The following FAM110B variants were observed in gnomAD, a reference collection of about 807,000 sequenced individuals.
FAM110B encodes the protein protein FAM110B.
Under a neutral mutation model 20.4 loss-of-function variants are expected in FAM110B, and 6 were observed. That is an observed-to-expected ratio of 0.29 (90% confidence interval 0.16 to 0.58). The LOEUF is 0.58. Ranked by LOEUF, FAM110B falls within the 20% of genes least tolerant of loss-of-function variation. The pLI, the probability that FAM110B is intolerant of heterozygous loss-of-function variation, is 0.90. For missense variants in FAM110B, 434 were observed against 498.2 expected, an observed-to-expected ratio of 0.87 and a Z score of 1.23; for synonymous variants, 226 against 214.1, an observed-to-expected ratio of 1.06 and a Z score of -0.49.
At chr8:58,101,691 G>C (rs919734249) in intron 3 of FAM110B, among the ~76,000 whole-genome samples, 2 of 151,934 alleles carry the variant, frequency 1.3e-5, no homozygotes, top group Non-Finnish European at 2.9e-5. Flanking sequence ...CATGTTTCAA[G>C]AATTAATTTC....
rs1806679450 is a variant in FAM110B, at chr8:58,098,073, G to A, written c.-325+22450G>A. Among the ~76,000 whole-genome samples the A allele has an allele frequency of 2.0e-5, 3 of 152,228 alleles. No individual in the cohort carries two copies. The South Asian group carries it at 6.2e-4, about 31-fold the overall frequency. Reference sequence around the variant, plus strand: ...TCCCTTAGCAGAGCTCAAGCTCTGTGCGGGGAGATCCACTGCTCTATTCAG... The same window carrying A: ...TCCCTTAGCAGAGCTCAAGCTCTGTACGGGGAGATCCACTGCTCTATTCAG... On this transcript the variant is annotated intron_variant, in intron 3 of 3. Coordinates refer to ENST00000519262, the MANE Select transcript of FAM110B (RefSeq NM_001377989.1).
chr8:57,997,337 A>G (rs1804208102), intron 1 of FAM110B, among the ~76,000 whole-genome samples: 2 of 152,198 alleles, frequency 1.3e-5, no homozygotes, highest in Admixed American at 6.5e-5. Flanking sequence ...TATGTTCAAC[A>G]TTTGTAGACT....
At chr8:58,015,537 A>G (rs1382352013) in intron 1 of FAM110B, among the ~76,000 whole-genome samples, 1 of 152,092 alleles carries the variant, frequency 6.6e-6, no homozygotes, top group Non-Finnish European at 1.5e-5. Context: ...TCAGTTAACT[A>G]AAACGTGTTC....
Position 58,146,739 on chromosome 8 carries a change from GCCGCAGGAGC to G in FAM110B, c.519_528del (p.Ser173ArgfsTer31), listed in dbSNP as rs1161729033. 1.2e-6 allele frequency: 2 copies of G among 1,612,068 alleles called. No homozygotes were observed. The highest frequency in any genetic ancestry group is 2.2e-5 in the East Asian group (1 of 44,806). On this transcript the variant is annotated frameshift_variant, in exon 4 of 4. Coordinates refer to ENST00000519262, the MANE Select transcript of FAM110B (RefSeq NM_001377989.1). LOFTEE classifies it high-confidence loss of function. ...TCCCTGAAGGTCTACCCCACGCAGG[GCCGCAGGAGC>G]CCGCAGGAGGGCGGCTCCCACGTGG...
intron 3 of FAM110B, among the ~76,000 whole-genome samples, chr8:58,117,163 G>A (rs1807234270): frequency 6.6e-6 from 1 of 152,114 alleles, no homozygotes; most frequent in Admixed American, 6.5e-5. Flanking sequence ...AACCAATTAG[G>A]GAATCTCAGT....
intron 1 of FAM110B, among the ~76,000 whole-genome samples, chr8:58,027,762 T>A (rs111702969): frequency 1.4e-4 from 22 of 152,344 alleles, no homozygotes; most frequent in African/African-American, 5.3e-4. Flanking sequence ...TACGTTGTTG[T>A]ATATATCAGT....
In FAM110B at chr8:58,068,499, A is replaced by G. The variant is rs575554217; in HGVS notation, c.-413-7036A>G. 2.6e-5 allele frequency among the ~76,000 whole-genome samples: 4 copies of G among 152,292 alleles called. No homozygotes were observed. The South Asian group carries it at 6.2e-4, about 24-fold the overall frequency. On this transcript the variant is annotated intron_variant, in intron 2 of 3. Transcript: ENST00000519262. ...TGGAGGATGAAATGCCCCTTTGCCA[A>G]TAGTCCTGTTTCTTGGCTACTAATT...
intron 3 of FAM110B, among the ~76,000 whole-genome samples, chr8:58,117,122 G>A (rs1024722539): frequency 2.0e-5 from 3 of 152,082 alleles, no homozygotes; most frequent in East Asian, 1.9e-4. Context: ...TCCCTTAACC[G>A]GTGTGAGGGA....
rs6994685 is a variant in FAM110B at position 58,033,587 on chromosome 8, G to A, written c.-414+1884G>A. ...AACAAGCAAAAAACCAAATAGCCCC[G>A]GTAAAAAGTGGGCAAAAGACATGCA... is the stretch of plus-strand genomic sequence containing the variant. On this transcript the variant is annotated intron_variant, in intron 2 of 3. Transcript: ENST00000519262. 6.3e-3 allele frequency among the ~76,000 whole-genome samples: 953 copies of A among 151,908 alleles called. 12 individuals carry two copies. Among genetic ancestry groups the A allele is most frequent in the African/African-American group, 0.021 (866 of 41,438 alleles).
chr8:58,104,335 G>C (rs1444845771), intron 3 of FAM110B, among the ~76,000 whole-genome samples: 4 of 152,122 alleles, frequency 2.6e-5, no homozygotes, highest in Non-Finnish European at 5.9e-5. Context: ...AAGATCCCAA[G>C]ACAAAGTAGA....
At chr8:58,051,218 A>G (rs1179210163) in intron 2 of FAM110B, among the ~76,000 whole-genome samples, 1 of 152,162 alleles carries the variant, frequency 6.6e-6, no homozygotes, top group Non-Finnish European at 1.5e-5. Flanking sequence ...GACTCTTGTT[A>G]AGGGCTTAAC....
intron 3 of FAM110B, among the ~76,000 whole-genome samples, chr8:58,085,572 C>T (rs1469828404): frequency 6.6e-6 from 1 of 152,114 alleles, no homozygotes; most frequent in Non-Finnish European, 1.5e-5. Flanking sequence ...TGACCATTGG[C>T]CTATGAGCCA....
intron 3 of FAM110B, among the ~76,000 whole-genome samples, chr8:58,111,600 A>G (rs1018050441): frequency 2.6e-5 from 4 of 152,204 alleles, no homozygotes; most frequent in African/African-American, 7.2e-5. Context: ...ATAAATGAAG[A>G]CATGTAAATA....
chr8:58,136,955 C>T (rs1322195724), intron 3 of FAM110B, among the ~76,000 whole-genome samples: 1 of 152,222 alleles, frequency 6.6e-6, no homozygotes, highest in Admixed American at 6.5e-5. Flanking sequence ...TATTTTTCTC[C>T]TACCACCAGA....
intron 3 of FAM110B, among the ~76,000 whole-genome samples, chr8:58,105,556 ATTTTTTTT>A (rs71557704): frequency 0.024 from 2,306 of 94,528 alleles, 25 homozygotes; most frequent in African/African-American, 0.1. Flanking sequence ...GAATGAATGA[ATTTTTTTT>A]TTTTTTTTTT....
At chr8:58,052,180 T>G (rs575174110) in intron 2 of FAM110B, among the ~76,000 whole-genome samples, 1 of 152,346 alleles carries the variant, frequency 6.6e-6, no homozygotes, top group African/African-American at 2.4e-5. Context: ...AAATACTCAA[T>G]GTGGACTTCT....
chr8:58,008,997 C>A (rs1332974945), intron 1 of FAM110B, among the ~76,000 whole-genome samples: 1 of 152,192 alleles, frequency 6.6e-6, no homozygotes, highest in Admixed American at 6.5e-5. Flanking sequence ...TCTTTTCCTT[C>A]CTCTCTGCTC....
rs754729106 is a variant in FAM110B, at chr8:58,146,361, A to G, written c.131A>G (p.Asn44Ser). The G allele has an allele frequency of 6.2e-7, 1 of 1,614,014 alleles. No homozygotes were observed. Among genetic ancestry groups the G allele is most frequent in the Non-Finnish European group, 8.5e-7 (1 of 1,179,992 alleles). The change falls in exon 4 of 4, where the codon AAC (asparagine) becomes AGC (serine). Residue 44 changes from asparagine to serine, a missense_variant. Asn to Ser is a conservative substitution (Grantham distance 46, BLOSUM62 1). This residue lies in a region of FAM110B where 56 missense variants were observed against 82.1 expected (regional missense o/e 0.68). Coordinates refer to ENST00000519262, the MANE Select transcript of FAM110B (RefSeq NM_001377989.1). ...PDYFRRQAEP[N>S]PKRLSAVERL... Reference sequence around the variant, plus strand: ...TACTTCCGCAGGCAGGCCGAGCCCAACCCCAAGAGGCTCAGCGCCGTGGAG... The same window carrying G: ...TACTTCCGCAGGCAGGCCGAGCCCAGCCCCAAGAGGCTCAGCGCCGTGGAG...
intron 3 of FAM110B, among the ~76,000 whole-genome samples, chr8:58,085,459 G>C: frequency 6.6e-6 from 1 of 152,198 alleles, no homozygotes; most frequent in East Asian, 1.9e-4. Flanking sequence ...GTTGCAGTGA[G>C]CCGAGATCGC....
Sources: allele counts gnomAD v4.1 joint callset (sites outside exome capture counted in the v4.1 genomes callset), GRCh38; gene constraint gnomAD v4.1.1; regional missense constraint gnomAD v4.1.1; transcripts MANE v1.5; gene names NCBI Gene and HGNC (gene_info 2026-07-23, HGNC 2026-07-21).